Variants in DCAF6 observed in about 807,000 individuals in gnomAD.
The protein encoded by DCAF6 is DDB1 and CUL4 associated factor 6, also known as DDB1- and CUL4-associated factor 6.
A neutral mutation model predicts 125.1 loss-of-function variants in DCAF6; 54 were observed. The ratio of observed to expected loss-of-function variants is 0.43; its 90% confidence interval spans 0.35 to 0.54. The LOEUF (loss-of-function observed/expected upper bound fraction) is 0.54. DCAF6 is among the 20% of genes least tolerant of loss of function. The probability of loss-of-function intolerance (pLI) is 0.01; values close to 1 mark genes in which losing one functional copy is unlikely to be tolerated. For synonymous variants in DCAF6, 371 were observed against 390.4 expected, an observed-to-expected ratio of 0.95 and a Z score of 0.58; for missense variants, 934 against 1,161.7, an observed-to-expected ratio of 0.80 and a Z score of 2.85.
At chr1:167,988,936 C>A (rs145612917) in intron 5 of DCAF6, among the ~76,000 whole-genome samples, 2 of 151,742 alleles carry the variant, frequency 1.3e-5, no homozygotes, top group Admixed American at 6.6e-5. Context: ...AAAAATTAGC[C>A]GGGCGTGGTG....
Position 168,022,994 on chromosome 1 carries a change from C to T in DCAF6, c.1556C>T (p.Pro519Leu). The T allele has an allele frequency of 6.2e-7, 1 of 1,613,952 alleles. No individual in the cohort carries two copies. The highest frequency in any genetic ancestry group is 8.5e-7 in the Non-Finnish European group (1 of 1,179,956). Reference protein sequence around the residue: ...SSQDPHASDSPSSVVNKQLGS... With the variant: ...SSQDPHASDSLSSVVNKQLGS... ...AATCTCATTTTTGTTTCAGATTCTCCTTCTTCTGTGGTTAACAAACAGCTC... is the reference window on the plus strand; with the variant it reads ...AATCTCATTTTTGTTTCAGATTCTCTTTCTTCTGTGGTTAACAAACAGCTC... The change falls in exon 12 of 22, where the codon CCT becomes CTT. Residue 519 changes from proline to leucine, a missense_variant. Physicochemically the swap from Pro to Leu is moderately conservative, Grantham distance 98. This residue lies in a region of DCAF6 where 559 missense variants were observed against 635.5 expected (regional missense o/e 0.88). Transcript: ENST00000367840.
intron 4 of DCAF6, among the ~76,000 whole-genome samples, chr1:167,979,262 A>G (rs1678728157): frequency 6.6e-6 from 1 of 152,194 alleles, no homozygotes; most frequent in Non-Finnish European, 1.5e-5. Flanking sequence ...CCATTTTAAC[A>G]TGATAGACCC....
chr1:167,983,734 T>C (rs901245797), intron 4 of DCAF6, among the ~76,000 whole-genome samples: 1 of 152,240 alleles, frequency 6.6e-6, no homozygotes, highest in Admixed American at 6.5e-5. Context: ...TTCTTACTTT[T>C]ACTTTTAACT....
At chr1:167,947,928 T>G (rs1571607248) in intron 1 of DCAF6, among the ~76,000 whole-genome samples, 3 of 152,216 alleles carry the variant, frequency 2.0e-5, no homozygotes. Context: ...CTTTGCTGAT[T>G]CTTTGTCTAG....
At position 168,045,093 on chromosome 1, in the gene DCAF6, C is replaced by T. The variant is rs1354670880; in HGVS notation, c.2124C>T (p.Phe708=). ...NENNTNPEPQ[F]QTEATGPSAH... ...ATAACACCAATCCTGAGCCTCAGTT[C>T]CAAACAGAAGCCACTGGGCCTTCAG... is the stretch of plus-strand genomic sequence containing the variant. The change falls in exon 16 of 22, where the codon TTC becomes TTT. Residue 708 remains phenylalanine, a synonymous_variant. Coordinates refer to ENST00000367840, the MANE Select transcript of DCAF6 (RefSeq NM_001198956.2). 1.2e-6 allele frequency: 2 copies of T among 1,613,984 alleles called. No individual in the cohort carries two copies. The highest frequency in any genetic ancestry group is 8.5e-7 in the Non-Finnish European group (1 of 1,179,944).
chr1:167,960,867 A>G (rs943443725), intron 2 of DCAF6, among the ~76,000 whole-genome samples: 4 of 152,002 alleles, frequency 2.6e-5, no homozygotes, highest in Non-Finnish European at 5.9e-5. Flanking sequence ...CAGTTTGTCA[A>G]TACCCACAAA....
At chr1:167,899,553 G>C in the DCAF6 span, 1 of 1,614,184 alleles carries the variant, frequency 6.2e-7, no homozygotes, top group Middle Eastern at 1.7e-4. Flanking sequence ...ATCGTCCACT[G>C]CCTGACCAAT....
At chr1:168,041,419 T>C (rs1021362648) in intron 13 of DCAF6, among the ~76,000 whole-genome samples, 2 of 152,088 alleles carry the variant, frequency 1.3e-5, no homozygotes, top group Non-Finnish European at 2.9e-5. Context: ...TTATGGTTTC[T>C]GCCTGTGATA....
chr1:168,009,234 G>A (rs1236600835), intron 10 of DCAF6, among the ~76,000 whole-genome samples: 1 of 151,862 alleles, frequency 6.6e-6, no homozygotes, highest in Non-Finnish European at 1.5e-5. Context: ...TCCTGACCTT[G>A]TGATCCGCCC....
intron 12 of DCAF6, among the ~76,000 whole-genome samples, chr1:168,031,912 G>A (rs917577247): frequency 1.3e-5 from 2 of 152,184 alleles, no homozygotes; most frequent in African/African-American, 2.4e-5. Context: ...TGAAGTAGGA[G>A]AAAAGGAAGC....
At chr1:167,925,450 T>TATATAC in the DCAF6 span, among the ~76,000 whole-genome samples, 18 of 107,848 alleles carry the variant, frequency 1.7e-4, no homozygotes, top group Non-Finnish European at 2.8e-4. Flanking sequence ...CACATATATA[T>TATATAC]ATATATATAT....
At position 168,054,092 on chromosome 1, in the gene DCAF6, A is replaced by G. The variant is rs534898606; in HGVS notation, c.2300+3159A>G. The stretch of plus-strand genomic sequence containing the variant: ...TTGTAAAGATATATGTTGAAATGAC[A>G]GCAATTCTAACATATAGAACTTTTT... On this transcript the variant is annotated intron_variant, in intron 17 of 21. Transcript: ENST00000367840. 3.9e-5 allele frequency among the ~76,000 whole-genome samples: 6 copies of G among 152,352 alleles called. No individual in the cohort carries two copies. In the East Asian group the frequency reaches 9.6e-4, roughly 24 times the overall value.
intron 13 of DCAF6, among the ~76,000 whole-genome samples, chr1:168,039,337 T>C (rs933760912): frequency 6.6e-6 from 1 of 151,668 alleles, no homozygotes; most frequent in Non-Finnish European, 1.5e-5. Context: ...ACTTTTAGTA[T>C]TTAATTGATT....
the DCAF6 span, chr1:167,880,053 A>G: frequency 1.4e-6 from 2 of 1,447,934 alleles, no homozygotes; most frequent in Non-Finnish European, 1.9e-6. Flanking sequence ...CCTCCCGCAA[A>G]GCCCAGTGGC....
intron 1 of DCAF6, among the ~76,000 whole-genome samples, chr1:167,946,594 TATTAA>T (rs1673122641): frequency 1.3e-5 from 2 of 152,218 alleles, no homozygotes; most frequent in Non-Finnish European, 2.9e-5. Context: ...TGTTGAATTT[TATTAA>T]ATTCTTTTTT....
chr1:167,864,344 C>G, the DCAF6 span, among the ~76,000 whole-genome samples: 1 of 152,108 alleles, frequency 6.6e-6, no homozygotes, highest in Non-Finnish European at 1.5e-5. Context: ...TACTATGACA[C>G]TAGAAAAACT....
chr1:168,074,793 A>G (rs74525769), intron 21 of DCAF6, among the ~76,000 whole-genome samples: 1,646 of 152,230 alleles, frequency 0.011, 37 homozygotes, highest in African/African-American at 0.036. Flanking sequence ...AAGCAGAGGA[A>G]TAGCAAGTGT....
At chr1:167,911,033 C>T in the DCAF6 span, among the ~76,000 whole-genome samples, 1 of 152,162 alleles carries the variant, frequency 6.6e-6, no homozygotes, top group East Asian at 1.9e-4. Context: ...GACTGTTTTG[C>T]TAAAGTTGTT....
chr1:167,968,132 AT>A (rs1436937646), intron 3 of DCAF6, among the ~76,000 whole-genome samples: 4 of 152,178 alleles, frequency 2.6e-5, no homozygotes, highest in African/African-American at 9.7e-5. Context: ...GCAACCGTGT[AT>A]TGGTGATTGT....
Sources: allele counts gnomAD v4.1 joint callset (sites outside exome capture counted in the v4.1 genomes callset), GRCh38; gene constraint gnomAD v4.1.1; regional missense constraint gnomAD v4.1.1; transcripts MANE v1.5; gene names NCBI Gene and HGNC (gene_info 2026-07-23, HGNC 2026-07-21).